The following SNTG2 variants were observed in gnomAD, a reference collection of about 807,000 sequenced individuals.
SNTG2 encodes the protein syntrophin gamma 2.
A neutral mutation model predicts 70.9 loss-of-function variants in SNTG2; 74 were observed. That is an observed-to-expected ratio of 1.04 (90% CI 0.86 to 1.27). SNTG2 has a LOEUF of 1.27. SNTG2 is among the 50% of genes most tolerant of loss of function. SNTG2 has a pLI of 0.00. For synonymous variants in SNTG2, 278 were observed against 273.8 expected (o/e 1.02, Z -0.15); for missense variants, 717 against 690.7 (o/e 1.04, Z -0.43).
intron 1 of SNTG2, among the ~76,000 whole-genome samples, chr2:962,514 AG>A (rs749270917): frequency 2.6e-5 from 4 of 152,220 alleles, no homozygotes; most frequent in Non-Finnish European, 5.9e-5. Context: ...TTGCTGGAGT[AG>A]CTGCATTTGA....
intron 14 of SNTG2, among the ~76,000 whole-genome samples, chr2:1,303,094 A>G (rs1680527686): frequency 6.6e-6 from 1 of 152,232 alleles, no homozygotes; most frequent in African/African-American, 2.4e-5. Context: ...AACTAGGTAA[A>G]ATATCAGCAA....
At chr2:1,263,546 T>A (rs1453437527) in intron 13 of SNTG2, among the ~76,000 whole-genome samples, 1 of 151,876 alleles carries the variant, frequency 6.6e-6, no homozygotes, top group Non-Finnish European at 1.5e-5. Flanking sequence ...TGTCTTGCAG[T>A]CCTAGGTGGG....
intron 12 of SNTG2, among the ~76,000 whole-genome samples, chr2:1,247,948 C>T (rs539071710): frequency 9.9e-5 from 15 of 152,090 alleles, no homozygotes; most frequent in Non-Finnish European, 1.5e-4. Context: ...CAGTGCCCAC[C>T]GGTACCATTC....
intron 6 of SNTG2, among the ~76,000 whole-genome samples, chr2:1,148,235 T>C (rs1412756004): frequency 6.6e-6 from 1 of 152,252 alleles, no homozygotes; most frequent in Non-Finnish European, 1.5e-5. Flanking sequence ...AAATACGGAA[T>C]GGCCTTAGTG....
At chr2:1,338,985 T>C (rs2148292836) in intron 16 of SNTG2, among the ~76,000 whole-genome samples, 1 of 152,346 alleles carries the variant, frequency 6.6e-6, no homozygotes, top group Non-Finnish European at 1.5e-5. Context: ...CAACTGGCAA[T>C]GAAGGTTCCA....
In SNTG2 at chr2:1,295,957, C is replaced by G. The variant is rs546734820; in HGVS notation, c.1285-12537C>G. ...CAGACGTCACCATCGATGGCTTTCA[C>G]TGTAGAAGGCTGAGTCTCCCATGTT... On this transcript the variant is annotated intron_variant, in intron 14 of 16. Coordinates refer to ENST00000308624, the MANE Select transcript of SNTG2 (RefSeq NM_018968.4). Among the ~76,000 whole-genome samples the G allele has an allele frequency of 2.7e-3, 402 of 151,492 alleles. 1 individual carries two copies. Among genetic ancestry groups the G allele is most frequent in the African/African-American group, 9.3e-3 (380 of 40,970 alleles).
At chr2:1,138,580 C>T (rs1393962766) in intron 6 of SNTG2, among the ~76,000 whole-genome samples, 1 of 151,982 alleles carries the variant, frequency 6.6e-6, no homozygotes, top group Non-Finnish European at 1.5e-5. Context: ...GGTGAGATGA[C>T]GGGCAGAGCA....
intron 4 of SNTG2, among the ~76,000 whole-genome samples, chr2:1,125,327 T>C (rs1558430020): frequency 6.6e-6 from 1 of 152,182 alleles, no homozygotes. Flanking sequence ...GTAGAGATTT[T>C]TTGTCCTTTT....
chr2:1,042,984 C>T (rs1013979612), intron 1 of SNTG2, among the ~76,000 whole-genome samples: 11 of 152,190 alleles, frequency 7.2e-5, no homozygotes, highest in Non-Finnish European at 4.4e-5. Context: ...TGGATTCCCA[C>T]CAGCAGTGTG....
intron 11 of SNTG2, among the ~76,000 whole-genome samples, chr2:1,244,149 T>C (rs1263254043): frequency 1.3e-5 from 2 of 152,242 alleles, no homozygotes; most frequent in Non-Finnish European, 2.9e-5. Context: ...CTAATTAGGC[T>C]GTGACCCTTA....
chr2:1,035,578 G>T (rs1661084697), intron 1 of SNTG2, among the ~76,000 whole-genome samples: 1 of 152,180 alleles, frequency 6.6e-6, no homozygotes, highest in African/African-American at 2.4e-5. Context: ...TATTTGGAAT[G>T]CTTGCTGGGT....
At chr2:1,148,320 G>A (rs1295521222) in intron 6 of SNTG2, among the ~76,000 whole-genome samples, 2 of 152,224 alleles carry the variant, frequency 1.3e-5, no homozygotes, top group African/African-American at 4.8e-5. Flanking sequence ...TTTCTCACAT[G>A]GAGAAGAGAG....
intron 7 of SNTG2, among the ~76,000 whole-genome samples, chr2:1,171,521 C>T (rs866277232): frequency 5.9e-5 from 9 of 152,176 alleles, no homozygotes; most frequent in Non-Finnish European, 1.2e-4. Context: ...TGCTTCTGAA[C>T]GCTAAAGGGC....
chr2:1,003,254 AAG>A (rs1659465208), intron 1 of SNTG2, among the ~76,000 whole-genome samples: 1 of 152,170 alleles, frequency 6.6e-6, no homozygotes, highest in Non-Finnish European at 1.5e-5. Context: ...ATAATTCAAA[AAG>A]AAAAAAATAA....
At chr2:1,077,216 C>T (rs1451043450) in intron 1 of SNTG2, among the ~76,000 whole-genome samples, 2 of 152,134 alleles carry the variant, frequency 1.3e-5, no homozygotes, top group Non-Finnish European at 1.5e-5. Context: ...ACATTAAAAC[C>T]GAGGCCTAGT....
intron 1 of SNTG2, among the ~76,000 whole-genome samples, chr2:983,264 T>TCGCGA (rs1558293363): frequency 1.4e-5 from 2 of 143,376 alleles, no homozygotes; most frequent in Non-Finnish European, 3.0e-5. Flanking sequence ...GAGGTGGAGG[T>TCGCGA]TGGGATGAAG....
intron 2 of SNTG2, among the ~76,000 whole-genome samples, chr2:1,087,417 T>C (rs559588638): frequency 6.6e-6 from 1 of 152,330 alleles, no homozygotes; most frequent in East Asian, 1.9e-4. Context: ...GCTCTAGCCC[T>C]GACCTAACCT....
chr2:1,261,252 T>C (rs1678399262), intron 13 of SNTG2, among the ~76,000 whole-genome samples: 1 of 152,234 alleles, frequency 6.6e-6, no homozygotes, highest in Non-Finnish European at 1.5e-5. Flanking sequence ...TCATTTAGCA[T>C]ACATAAATTT....
Position 1,184,903 on chromosome 2 carries a change from T to C in SNTG2, c.591+11720T>C, listed in dbSNP as rs1672153446. Among the ~76,000 whole-genome samples the C allele has an allele frequency of 2.0e-5, 3 of 152,332 alleles. No homozygotes were observed. The East Asian group carries it at 5.8e-4, about 29-fold the overall frequency. On this transcript the variant is annotated intron_variant, in intron 8 of 16. Coordinates refer to ENST00000308624, the MANE Select transcript of SNTG2 (RefSeq NM_018968.4). ...CAACAGTCCCCCAAGTTTTAACTCA[T>C]GTCAGCATTAACTCAAAAGTCCATA...
Sources: allele counts gnomAD v4.1 joint callset (sites outside exome capture counted in the v4.1 genomes callset), GRCh38; gene constraint gnomAD v4.1.1; transcripts MANE v1.5; gene names NCBI Gene and HGNC (gene_info 2026-07-23, HGNC 2026-07-21).